The following FANK1 variants were observed in gnomAD, a reference collection of about 807,000 sequenced individuals.
The protein encoded by FANK1 is fibronectin type III and ankyrin repeat domains 1, also known as fibronectin type 3 and ankyrin repeat domains protein 1.
FANK1 carries 44 observed loss-of-function variants against 45.3 expected under a neutral mutation model. That is an observed-to-expected ratio of 0.97 (90% CI 0.76 to 1.25). The LOEUF is 1.25. Ranked by LOEUF, FANK1 falls within the 50% of genes most tolerant of loss-of-function variation. FANK1 has a pLI of 0.00. For missense variants in FANK1, 391 were observed against 424.4 expected, an observed-to-expected ratio of 0.92 and a Z score of 0.69; for synonymous variants, 149 against 152.5, an observed-to-expected ratio of 0.98 and a Z score of 0.17.
chr10:126,000,011 A>C (rs1196053763), intron 6 of FANK1, among the ~76,000 whole-genome samples: 1 of 152,218 alleles, frequency 6.6e-6, no homozygotes, highest in Non-Finnish European at 1.5e-5. Context: ...ACTTTCTTAA[A>C]TCCCTGCAAT....
Position 126,005,033 on chromosome 10 carries a change from T to C in FANK1, c.689T>C (p.Ile230Thr). The change falls in exon 7 of 11, where the codon ATA becomes ACA. Residue 230 changes from isoleucine to threonine, a missense_variant. Ile to Thr is a moderately conservative substitution (Grantham distance 89). Transcript: ENST00000368693. ...CACTGCAGTGTGATTGAGTGGATGA[T>C]AAAGGATGGCTGTGAGGTACGGGAC... ...GGHCSVIEWM[I>T]KDGCEVDVVD... is the part of the protein sequence containing the mutation. 1 of 1,613,680 alleles carries C rather than the reference T, an allele frequency of 6.2e-7. No homozygotes were observed.
rs377335697 is a variant in FANK1, at chr10:125,960,585, GGT to G, written c.14-19574_14-19573del. ...TCTGTTGCCCAGGCTGGAGTGCAGT[GGT>G]GCGATCTTGGCTCACTGCAAGCTCC... On this transcript the variant is annotated intron_variant, in intron 1 of 10. Coordinates refer to ENST00000368693, the MANE Select transcript of FANK1 (RefSeq NM_145235.5). Among the ~76,000 whole-genome samples, 47 of 152,372 alleles carry G rather than the reference GGT, an allele frequency of 3.1e-4. No individual in the cohort carries two copies. The South Asian group carries it at 9.3e-3, about 30-fold the overall frequency.
At chr10:125,975,520 A>G (rs767425920) in intron 1 of FANK1, among the ~76,000 whole-genome samples, 4 of 152,150 alleles carry the variant, frequency 2.6e-5, no homozygotes, top group African/African-American at 9.7e-5. Flanking sequence ...TGGCTTTTTA[A>G]TAATGGCCAT....
intron 1 of FANK1, among the ~76,000 whole-genome samples, chr10:125,958,457 C>A (rs1392221791): frequency 1.3e-5 from 2 of 152,178 alleles, no homozygotes; most frequent in African/African-American, 4.8e-5. Flanking sequence ...GGCTAGGTCT[C>A]GAACTCCTGG....
At position 126,004,904 on chromosome 10, in the gene FANK1, C is replaced by T. The variant is rs768390344; in HGVS notation, c.560C>T (p.Ala187Val). The change falls in exon 7 of 11, where the codon GCG becomes GTG. Residue 187 changes from alanine to valine, a missense_variant. By Grantham distance (64) the Ala-to-Val change is moderately conservative (BLOSUM62 0). Coordinates refer to ENST00000368693, the MANE Select transcript of FANK1 (RefSeq NM_145235.5). ...GKDSLMLACY[A>V]GHLDVVKYLR... is the part of the protein sequence containing the mutation. ...TGCAGTCTAATGCTGGCGTGCTATGCGGGACACCTAGATGTTGTGAAATAT... is the reference window on the plus strand; with the variant it reads ...TGCAGTCTAATGCTGGCGTGCTATGTGGGACACCTAGATGTTGTGAAATAT... 23 of 1,614,028 alleles carry T rather than the reference C, an allele frequency of 1.4e-5. No homozygotes were observed. Among genetic ancestry groups the T allele is most frequent in the South Asian group, 3.3e-5 (3 of 91,072 alleles).
At chr10:125,975,863 T>C (rs907029665) in intron 1 of FANK1, among the ~76,000 whole-genome samples, 4 of 152,250 alleles carry the variant, frequency 2.6e-5, no homozygotes, top group African/African-American at 9.6e-5. Flanking sequence ...GTGCTGTCAC[T>C]GATCCTGTCA....
rs1338866553 is a variant in FANK1 at position 125,949,882 on chromosome 10, T to A, written c.14-30279T>A. Among the ~76,000 whole-genome samples, 5 of 145,836 alleles carry A rather than the reference T, an allele frequency of 3.4e-5. No homozygotes were observed. The East Asian group carries it at 1.0e-3, about 29-fold the overall frequency. Reference sequence around the variant, plus strand: ...TTCAAACTATACTACAAGGCTACAGTAACCAAAACAGCATGGTACTGGTAC... The same window carrying A: ...TTCAAACTATACTACAAGGCTACAGAAACCAAAACAGCATGGTACTGGTAC... On this transcript the variant is annotated intron_variant, in intron 1 of 10. Coordinates refer to ENST00000368693, the MANE Select transcript of FANK1 (RefSeq NM_145235.5).
intron 2 of FANK1, among the ~76,000 whole-genome samples, chr10:125,986,584 A>G (rs954241269): frequency 2.6e-5 from 4 of 152,136 alleles, no homozygotes; most frequent in African/African-American, 9.7e-5. Context: ...TACCTAGACC[A>G]TGACTTTCCC....
chr10:125,925,990 C>T (rs531718036), intron 1 of FANK1, among the ~76,000 whole-genome samples: 38 of 151,998 alleles, frequency 2.5e-4, no homozygotes, highest in African/African-American at 8.9e-4. Context: ...TTTTTCTTCT[C>T]TAGTCATTTT....
chr10:126,008,984 C>G, intron 8 of FANK1, 70 bp from the exon 9 acceptor site: 8 of 1,471,246 alleles, frequency 5.4e-6, no homozygotes, highest in Non-Finnish European at 6.6e-6. Context: ...ATGTGCCAGG[C>G]TCATGCCCCC....
intron 4 of FANK1, 137 bp from the exon 5 acceptor site, chr10:125,996,413 A>G: frequency 1.4e-6 from 1 of 693,926 alleles, no homozygotes; most frequent in Non-Finnish European, 2.5e-6. Flanking sequence ...ACAAGAAAAG[A>G]TTTAATGGCC....
At chr10:125,986,364 T>G (rs1302800234) in intron 2 of FANK1, among the ~76,000 whole-genome samples, 1 of 152,186 alleles carries the variant, frequency 6.6e-6, no homozygotes, top group African/African-American at 2.4e-5. Flanking sequence ...CATTGAACGT[T>G]CAGTGTTTGA....
intron 3 of FANK1, among the ~76,000 whole-genome samples, chr10:125,992,977 G>C (rs1339456408): frequency 6.6e-6 from 1 of 152,162 alleles, no homozygotes; most frequent in African/African-American, 2.4e-5. Flanking sequence ...TGTTTACTAA[G>C]TACTAAAGGG....
intron 6 of FANK1, among the ~76,000 whole-genome samples, chr10:126,001,161 T>C (rs1952728679): frequency 6.6e-6 from 1 of 152,232 alleles, no homozygotes; most frequent in South Asian, 2.1e-4. Context: ...AGTAAGGGTG[T>C]TTGTTGTTGC....
chr10:125,973,545 C>T (rs1399563611), intron 1 of FANK1: 1 of 802,894 alleles, frequency 1.2e-6, no homozygotes, highest in Non-Finnish European at 1.5e-6. Context: ...CCCTCAGTAT[C>T]TAGAACCCTG....
chr10:125,949,688 C>T (rs1232692444), intron 1 of FANK1, among the ~76,000 whole-genome samples: 6 of 144,452 alleles, frequency 4.2e-5, no homozygotes, highest in Non-Finnish European at 9.1e-5. Context: ...GGCCATACTG[C>T]CCAAGGTAAT....
intron 1 of FANK1, among the ~76,000 whole-genome samples, chr10:125,912,524 CTT>C (rs1176192008): frequency 6.6e-6 from 1 of 151,750 alleles, no homozygotes; most frequent in Non-Finnish European, 1.5e-5. Flanking sequence ...AAACAGCTCT[CTT>C]AAAAATGTCA....
intron 6 of FANK1, 197 bp from the exon 7 acceptor site, chr10:126,004,687 A>G: frequency 3.6e-6 from 2 of 561,066 alleles, no homozygotes; most frequent in Non-Finnish European, 3.2e-6. Flanking sequence ...GTAGCACTTC[A>G]TTTCTAATAT....
At chr10:125,903,600 C>CA (rs1554905060) in intron 1 of FANK1, among the ~76,000 whole-genome samples, 1 of 145,086 alleles carries the variant, frequency 6.9e-6, no homozygotes, top group South Asian at 2.2e-4. Context: ...GAAGCTGAGG[C>CA]GGGGGGACTG....
Sources: gnomAD v4.1 joint callset for allele counts (sites outside exome capture counted in the v4.1 genomes callset) on GRCh38, gnomAD v4.1.1 for gene constraint, MANE v1.5 for transcripts, NCBI Gene and HGNC (gene_info 2026-07-23, HGNC 2026-07-21) for gene names.